RBFOX1: variants seen among roughly 807,000 people sequenced by gnomAD.
RBFOX1 encodes the protein RNA binding protein fox-1 homolog 1.
A neutral mutation model predicts 57.7 loss-of-function variants in RBFOX1; 8 were observed. The observed-to-expected ratio is 0.14, with a 90% CI of 0.08 to 0.25. The LOEUF is 0.25. Among genes scored for constraint, RBFOX1 ranks in the 10% least tolerant of loss-of-function variants. The probability of loss-of-function intolerance (pLI) is 1.00; values close to 1 mark genes in which losing one functional copy is unlikely to be tolerated. For synonymous variants in RBFOX1, 326 were observed against 222.4 expected (o/e 1.47, Z -4.15); for missense variants, 611 against 548.5 (o/e 1.11, Z -1.14).
rs60039723 is a variant in RBFOX1 at position 7,071,587 on chromosome 16, ATGTGTGTGTG to A, written c.27+19511_27+19520del. On this transcript the variant is annotated intron_variant, in intron 4 of 15. Transcript: ENST00000550418. ...GACCCCAACACTAATTTGCCCAGATATGTGTGTGTGTGTGTGTGTGTGTGTGTGTGTTTGT... is the reference window on the plus strand; with the variant it reads ...GACCCCAACACTAATTTGCCCAGATATGTGTGTGTGTGTGTGTGTGTTTGT... Among the ~76,000 whole-genome samples, 94 of 148,012 alleles carry A rather than the reference ATGTGTGTGTG, an allele frequency of 6.4e-4. No individual in the cohort carries two copies. The South Asian group carries it at 0.011, about 18-fold the overall frequency.
intron 10 of RBFOX1, among the ~76,000 whole-genome samples, chr16:7,627,911 A>C (rs1360513303): frequency 7.1e-6 from 1 of 141,094 alleles, no homozygotes; most frequent in Non-Finnish European, 1.5e-5. Flanking sequence ...TCATTGCATA[A>C]AGATTTTTTT....
At chr16:6,724,602 A>G (rs889814223) in intron 3 of RBFOX1, among the ~76,000 whole-genome samples, 8 of 152,152 alleles carry the variant, frequency 5.3e-5, no homozygotes, top group Non-Finnish European at 1.2e-4. Context: ...ACTATAAGAA[A>G]ATAAATTTCT....
At chr16:7,553,034 G>T (rs540408705) in intron 5 of RBFOX1, among the ~76,000 whole-genome samples, 4 of 152,068 alleles carry the variant, frequency 2.6e-5, no homozygotes, top group African/African-American at 9.7e-5. Context: ...AAGCAAGTCA[G>T]ATATTTCAGG....
At chr16:7,225,212 C>A (rs1386744210) in intron 4 of RBFOX1, among the ~76,000 whole-genome samples, 1 of 152,128 alleles carries the variant, frequency 6.6e-6, no homozygotes, top group Non-Finnish European at 1.5e-5. Context: ...GATCTCCTTT[C>A]CATGGGTGAT....
intron 14 of RBFOX1, among the ~76,000 whole-genome samples, chr16:7,696,696 C>T (rs2078915133): frequency 6.6e-6 from 1 of 152,052 alleles, no homozygotes; most frequent in Non-Finnish European, 1.5e-5. Flanking sequence ...TATGAATAAG[C>T]AGATAATATA....
chr16:6,996,580 C>T (rs1388497770), intron 3 of RBFOX1, among the ~76,000 whole-genome samples: 1 of 152,032 alleles, frequency 6.6e-6, no homozygotes, highest in Non-Finnish European at 1.5e-5. Flanking sequence ...ATTTACTAGC[C>T]CAACGACTTT....
intron 2 of RBFOX1, among the ~76,000 whole-genome samples, chr16:6,410,274 G>A (rs183110741): frequency 6.7e-6 from 1 of 149,404 alleles, no homozygotes; most frequent in Non-Finnish European, 1.5e-5. Context: ...TCTCCTTGGG[G>A]TGTCCTGCTG....
At chr16:5,712,934 C>G (rs2151512141) in intron 3 of RBFOX1, among the ~76,000 whole-genome samples, 1 of 151,934 alleles carries the variant, frequency 6.6e-6, no homozygotes, top group African/African-American at 2.4e-5. Flanking sequence ...AGATTGAACC[C>G]AGCTCCAAAT....
intron 2 of RBFOX1, among the ~76,000 whole-genome samples, chr16:6,318,034 G>C (rs2081318721): frequency 6.6e-6 from 1 of 152,184 alleles, no homozygotes; most frequent in Non-Finnish European, 1.5e-5. Flanking sequence ...GCCTGCAAGA[G>C]GCTGATCAAA....
chr16:7,330,701 T>G (rs2096678247), intron 4 of RBFOX1, among the ~76,000 whole-genome samples: 2 of 152,092 alleles, frequency 1.3e-5, no homozygotes, highest in Non-Finnish European at 2.9e-5. Context: ...AGCTGTAAAT[T>G]TGTTGCCTGA....
intron 2 of RBFOX1, among the ~76,000 whole-genome samples, chr16:5,501,377 C>T (rs2043192835): frequency 6.7e-6 from 1 of 150,278 alleles, no homozygotes; most frequent in South Asian, 2.1e-4. Context: ...ATTCCCCAGC[C>T]AAGCAGGCTC....
intron 1 of RBFOX1, among the ~76,000 whole-genome samples, chr16:6,152,416 G>A (rs1294098512): frequency 1.3e-5 from 2 of 152,116 alleles, no homozygotes; most frequent in Admixed American, 1.3e-4. Flanking sequence ...GAAACTCCCA[G>A]AGGCCTGTTT....
In RBFOX1 at chr16:7,304,204, G is replaced by C. The variant is rs929361608; in HGVS notation, c.28-213943G>C. The C allele has an allele frequency of 7.8e-6, 7 of 892,194 alleles. No individual in the cohort carries two copies. In the African/African-American group the frequency reaches 1.7e-4, roughly 22 times the overall value. The allele number at this position is 892,194 out of a possible 1,614,324, so 55.3% of individuals were successfully genotyped here. A position where few individuals can be genotyped will look rare whatever the true frequency, so the allele number is the denominator to read the frequency against. Reference sequence around the variant, plus strand: ...AGGAGGAAAGAGGGGGAGAGAGACAGAGAGAGAGACAGAGAGAGAGAGAGA... The same window carrying C: ...AGGAGGAAAGAGGGGGAGAGAGACACAGAGAGAGACAGAGAGAGAGAGAGA... On this transcript the variant is annotated intron_variant, in intron 4 of 15. Coordinates refer to ENST00000550418, the MANE Select transcript of RBFOX1 (RefSeq NM_018723.4).
intron 2 of RBFOX1, among the ~76,000 whole-genome samples, chr16:5,593,413 C>A (rs990784234): frequency 6.6e-6 from 1 of 152,088 alleles, no homozygotes; most frequent in African/African-American, 2.4e-5. Flanking sequence ...ATGGGTGCAG[C>A]AAACCACCAT....
chr16:5,903,158 G>C (rs1371884282), intron 4 of RBFOX1, among the ~76,000 whole-genome samples: 1 of 152,030 alleles, frequency 6.6e-6, no homozygotes, highest in Non-Finnish European at 1.5e-5. Context: ...ATGTCTGTAT[G>C]GGAAATATGT....
chr16:6,355,171 C>T (rs2087064185), intron 2 of RBFOX1, among the ~76,000 whole-genome samples: 1 of 152,158 alleles, frequency 6.6e-6, no homozygotes, highest in African/African-American at 2.4e-5. Context: ...TTCTGGGGTA[C>T]ATGTGCAGAA....
At chr16:6,455,867 C>T (rs551076256) in intron 2 of RBFOX1, among the ~76,000 whole-genome samples, 28 of 152,212 alleles carry the variant, frequency 1.8e-4, no homozygotes, top group African/African-American at 6.3e-4. Context: ...AAAGAAATTA[C>T]GTGGTGAGCC....
At chr16:7,121,657 T>C (rs1369962281) in intron 4 of RBFOX1, among the ~76,000 whole-genome samples, 1 of 151,948 alleles carries the variant, frequency 6.6e-6, no homozygotes, top group East Asian at 1.9e-4. Context: ...ACAATACAAA[T>C]CAAAATTCTA....
At chr16:5,970,191 T>C (rs1272991662) in intron 4 of RBFOX1, among the ~76,000 whole-genome samples, 2 of 152,194 alleles carry the variant, frequency 1.3e-5, no homozygotes, top group Non-Finnish European at 2.9e-5. Flanking sequence ...ATGGTTGGTC[T>C]CTGTCCACTT....
Sources: allele counts gnomAD v4.1 joint callset (sites outside exome capture counted in the v4.1 genomes callset), GRCh38; gene constraint gnomAD v4.1.1; transcripts MANE v1.5; gene names NCBI Gene and HGNC (gene_info 2026-07-23, HGNC 2026-07-21).